RPS6KC1: variants seen among roughly 807,000 people sequenced by gnomAD.
RPS6KC1 encodes the protein ribosomal protein S6 kinase C1, also known as inactive ribosomal protein S6 kinase delta-1.
Under a neutral mutation model 103.8 loss-of-function variants are expected in RPS6KC1, and 54 were observed. The observed-to-expected ratio is 0.52, with a 90% CI of 0.42 to 0.65. The LOEUF (loss-of-function observed/expected upper bound fraction) is 0.65. Ranked by LOEUF, RPS6KC1 falls within the 30% of genes least tolerant of loss-of-function variation. The pLI is 0.00. For synonymous variants in RPS6KC1, 439 were observed against 438.7 expected (o/e 1.00, Z -0.01); for missense variants, 1,151 against 1,253.8 (o/e 0.92, Z 1.24).
At chr1:213,484,137 AC>A in the RPS6KC1 span, among the ~76,000 whole-genome samples, 31,864 of 152,218 alleles carry the variant, frequency 0.21, 3,558 homozygotes, top group Non-Finnish European at 0.23. Flanking sequence ...AAGGAAGACA[AC>A]CCATGATATA....
chr1:213,470,297 G>A, the RPS6KC1 span, among the ~76,000 whole-genome samples: 1 of 152,104 alleles, frequency 6.6e-6, no homozygotes, highest in African/African-American at 2.4e-5. Context: ...CAGGTGATTG[G>A]TTCTGTAAAG....
intron 1 of RPS6KC1, among the ~76,000 whole-genome samples, chr1:213,060,354 T>C (rs1297939911): frequency 2.0e-5 from 3 of 152,190 alleles, no homozygotes; most frequent in Admixed American, 6.5e-5. Context: ...ATACTTAGTT[T>C]TGGCTTAATC....
chr1:213,319,964 C>A, the RPS6KC1 span, among the ~76,000 whole-genome samples: 1 of 152,118 alleles, frequency 6.6e-6, no homozygotes, highest in Non-Finnish European at 1.5e-5. Flanking sequence ...CACATAGAGT[C>A]GAGTCATTAA....
At position 213,196,997 on chromosome 1, in the gene RPS6KC1, T is replaced by A. The variant is rs1457826390; in HGVS notation, c.1044+20505T>A. Among the ~76,000 whole-genome samples, 3 of 152,056 alleles carry A rather than the reference T, an allele frequency of 2.0e-5. No individual in the cohort carries two copies. The East Asian group carries it at 5.8e-4, about 29-fold the overall frequency. ...GATTACGGGCATGTGCCACCATGCCTGGCTGGTTTTTGTATTTTTAGTAGA... is the reference window on the plus strand; with the variant it reads ...GATTACGGGCATGTGCCACCATGCCAGGCTGGTTTTTGTATTTTTAGTAGA... On this transcript the variant is annotated intron_variant, in intron 8 of 14. Coordinates refer to ENST00000366960, the MANE Select transcript of RPS6KC1 (RefSeq NM_012424.6).
the RPS6KC1 span, among the ~76,000 whole-genome samples, chr1:213,722,104 C>T: frequency 7.9e-5 from 12 of 152,160 alleles, no homozygotes; most frequent in African/African-American, 2.7e-4. Flanking sequence ...GGCCTGGAGT[C>T]TGCATGTACT....
chr1:213,107,065 C>G (rs2082573666), intron 4 of RPS6KC1, among the ~76,000 whole-genome samples: 1 of 152,092 alleles, frequency 6.6e-6, no homozygotes, highest in Non-Finnish European at 1.5e-5. Flanking sequence ...CCTCGGCCTC[C>G]TGAGTAGTTG....
chr1:213,327,236 A>AAAAAGAAAGAAAG, the RPS6KC1 span, among the ~76,000 whole-genome samples: 932 of 144,690 alleles, frequency 6.4e-3, 10 homozygotes, highest in African/African-American at 0.021. Flanking sequence ...GAAAGAAAAG[A>AAAAAGAAAGAAAG]AAAGAAAGAA....
chr1:213,442,466 T>C, the RPS6KC1 span, among the ~76,000 whole-genome samples: 6 of 152,086 alleles, frequency 3.9e-5, no homozygotes, highest in Non-Finnish European at 8.8e-5. Flanking sequence ...ATTTTAGGGG[T>C]AGAAAACTTG....
Position 213,104,434 on chromosome 1 carries a change from T to G in RPS6KC1, c.263-20T>G. 1 of 1,484,722 alleles carries G rather than the reference T, an allele frequency of 6.7e-7. No homozygotes were observed. Among genetic ancestry groups the G allele is most frequent in the Non-Finnish European group, 9.4e-7 (1 of 1,064,710 alleles). 92.0% of individuals were successfully genotyped at this position (1,484,722 alleles called of 1,614,324 possible). A position where few individuals can be genotyped will look rare whatever the true frequency, so the allele number is the denominator to read the frequency against. On this transcript the variant is annotated intron_variant, in intron 3 of 14. Transcript: ENST00000366960. ...GTTTGATCATTCTTCCCTTAAGTGT[T>G]GATTCTTATTTAATTGTAGGGCGAT...
the RPS6KC1 span, among the ~76,000 whole-genome samples, chr1:213,475,245 C>G: frequency 6.6e-6 from 1 of 152,230 alleles, no homozygotes; most frequent in African/African-American, 2.4e-5. Flanking sequence ...CCATGGGCCT[C>G]CTTTCCCCAC....
At position 213,051,306 on chromosome 1, in the gene RPS6KC1, C is replaced by A; in HGVS notation, c.-99C>A. 2.4e-6 allele frequency: 2 copies of A among 848,266 alleles called. No homozygotes were observed. Among genetic ancestry groups the A allele is most frequent in the Admixed American group, 4.4e-5 (2 of 45,094 alleles). 52.5% of individuals were successfully genotyped at this position (848,266 alleles called of 1,614,324 possible). A position where few individuals can be genotyped will look rare whatever the true frequency, so the allele number is the denominator to read the frequency against. ...AGCCGCCTTGGAGCCACCGCCCCCTCGCCGCTTCGCCGCTGCGTTGGGGAA... is the reference window on the plus strand; with the variant it reads ...AGCCGCCTTGGAGCCACCGCCCCCTAGCCGCTTCGCCGCTGCGTTGGGGAA... On this transcript the variant is annotated 5_prime_UTR_variant, in exon 1 of 15. Transcript: ENST00000366960.
intron 1 of RPS6KC1, among the ~76,000 whole-genome samples, chr1:213,066,735 C>G (rs527240678): frequency 6.6e-6 from 1 of 152,254 alleles, no homozygotes; most frequent in South Asian, 2.1e-4. Context: ...ATGTGATTAT[C>G]TATGGGAAAA....
chr1:213,131,905 T>C (rs2149012167), intron 6 of RPS6KC1, among the ~76,000 whole-genome samples: 1 of 152,368 alleles, frequency 6.6e-6, no homozygotes, highest in East Asian at 1.9e-4. Context: ...CAGAGAATTA[T>C]GTGCTAAAAC....
intron 14 of RPS6KC1, among the ~76,000 whole-genome samples, chr1:213,269,652 C>G (rs921645331): frequency 6.6e-6 from 1 of 152,074 alleles, no homozygotes; most frequent in Non-Finnish European, 1.5e-5. Flanking sequence ...TCTGCTAAAT[C>G]CACAAATATT....
At chr1:213,195,597 T>G (rs902439983) in intron 8 of RPS6KC1, among the ~76,000 whole-genome samples, 1 of 152,154 alleles carries the variant, frequency 6.6e-6, no homozygotes, top group Non-Finnish European at 1.5e-5. Context: ...TATAGTCTTT[T>G]CTCCCTCACT....
chr1:213,415,672 G>A, the RPS6KC1 span, among the ~76,000 whole-genome samples: 1 of 152,168 alleles, frequency 6.6e-6, no homozygotes, highest in African/African-American at 2.4e-5. Flanking sequence ...CCCTTCCTGC[G>A]GGGTTCTTTA....
chr1:213,313,431 A>C, the RPS6KC1 span, among the ~76,000 whole-genome samples: 1 of 151,874 alleles, frequency 6.6e-6, no homozygotes, highest in African/African-American at 2.4e-5. Flanking sequence ...GCCATATCTG[A>C]GCACCCCAGG....
At chr1:213,791,423 CT>C in the RPS6KC1 span, among the ~76,000 whole-genome samples, 5 of 152,104 alleles carry the variant, frequency 3.3e-5, no homozygotes, top group African/African-American at 1.2e-4. Context: ...TACAGTAAAT[CT>C]AACAAACATA....
chr1:213,789,155 T>A, the RPS6KC1 span, among the ~76,000 whole-genome samples: 2 of 152,070 alleles, frequency 1.3e-5, no homozygotes, highest in Non-Finnish European at 2.9e-5. Context: ...AAAAGAAAGG[T>A]TGGAATTTAG....
Sources: allele counts gnomAD v4.1 joint callset (sites outside exome capture counted in the v4.1 genomes callset), GRCh38; gene constraint gnomAD v4.1.1; transcripts MANE v1.5; gene names NCBI Gene and HGNC (gene_info 2026-07-23, HGNC 2026-07-21).